Variants in GNAL observed in about 807,000 individuals in gnomAD.
The protein encoded by GNAL is G protein subunit alpha L.
Under a neutral mutation model 55.1 loss-of-function variants are expected in GNAL, and 18 were observed. That is an observed-to-expected ratio of 0.33 (90% CI 0.23 to 0.48). GNAL has a LOEUF of 0.48. Ranked by LOEUF, GNAL falls within the 20% of genes least tolerant of loss-of-function variation. The probability of loss-of-function intolerance (pLI) is 0.99; values close to 1 mark genes in which losing one functional copy is unlikely to be tolerated. For missense variants in GNAL, 412 were observed against 614.1 expected, an observed-to-expected ratio of 0.67 and a Z score of 3.48; for synonymous variants, 253 against 237.0, an observed-to-expected ratio of 1.07 and a Z score of -0.62.
At chr18:11,782,502 G>A (rs1419943601) in intron 4 of GNAL, among the ~76,000 whole-genome samples, 1 of 152,108 alleles carries the variant, frequency 6.6e-6, no homozygotes, top group Non-Finnish European at 1.5e-5. Context: ...GCATGTATTT[G>A]TGATAAAAAT....
intron 4 of GNAL, among the ~76,000 whole-genome samples, chr18:11,820,476 T>C (rs2035064151): frequency 6.6e-6 from 1 of 152,224 alleles, no homozygotes; most frequent in African/African-American, 2.4e-5. Context: ...AGTCTTTATG[T>C]TTTAGAAATA....
intron 4 of GNAL, among the ~76,000 whole-genome samples, chr18:11,813,827 G>A (rs1409384301): frequency 6.6e-6 from 1 of 152,108 alleles, no homozygotes; most frequent in Non-Finnish European, 1.5e-5. Context: ...GCAGTGAGCT[G>A]TGATTGCACC....
At chr18:11,820,840 G>A (rs2035072010) in intron 4 of GNAL, among the ~76,000 whole-genome samples, 1 of 152,210 alleles carries the variant, frequency 6.6e-6, no homozygotes, top group Non-Finnish European at 1.5e-5. Context: ...TCGCTTTTGT[G>A]TTTCTTCAGT....
intron 5 of GNAL, among the ~76,000 whole-genome samples, chr18:11,844,579 C>A (rs1162385220): frequency 6.6e-6 from 1 of 152,164 alleles, no homozygotes; most frequent in Non-Finnish European, 1.5e-5. Context: ...GGGTCTAAGG[C>A]AGATCAATCA....
intron 1 of GNAL, among the ~76,000 whole-genome samples, chr18:11,725,176 G>T (rs566036223): frequency 9.2e-5 from 14 of 152,172 alleles, no homozygotes; most frequent in Non-Finnish European, 1.8e-4. Flanking sequence ...GTCCTAACCC[G>T]CAGCCTCTCA....
intron 4 of GNAL, among the ~76,000 whole-genome samples, chr18:11,783,405 C>T (rs1238083168): frequency 6.6e-6 from 1 of 152,194 alleles, no homozygotes; most frequent in Admixed American, 6.5e-5. Context: ...AAAGTTTCAA[C>T]ATCATAAATA....
intron 5 of GNAL, among the ~76,000 whole-genome samples, chr18:11,847,784 A>G (rs16976739): frequency 2.6e-5 from 4 of 152,086 alleles, no homozygotes; most frequent in Non-Finnish European, 5.9e-5. Context: ...TACAATTAGC[A>G]TGGTTGTAGG....
At chr18:11,794,715 C>T (rs1161807155) in intron 4 of GNAL, among the ~76,000 whole-genome samples, 1 of 120,780 alleles carries the variant, frequency 8.3e-6, no homozygotes, top group Admixed American at 1.0e-4. Context: ...TAAATGGTTA[C>T]TTTTATGTTA....
chr18:11,864,702 C>A, intron 7 of GNAL, 96 bp downstream of exon 7: 1 of 770,534 alleles, frequency 1.3e-6, no homozygotes, highest in Non-Finnish European at 2.4e-6. Flanking sequence ...CCTGAATGTG[C>A]ATGGCAGCCC....
intron 4 of GNAL, among the ~76,000 whole-genome samples, chr18:11,789,329 A>G (rs1245393978): frequency 3.3e-5 from 5 of 152,236 alleles, no homozygotes. Flanking sequence ...TGGGTAAGCA[A>G]TAAGTGATAC....
chr18:11,697,386 A>AAATTAGCTGGTTACCAGCTAACTTTT (rs1231992861), intron 1 of GNAL, among the ~76,000 whole-genome samples: 7 of 152,124 alleles, frequency 4.6e-5, no homozygotes, highest in East Asian at 1.9e-4. Flanking sequence ...AAAAATACAA[A>AAATTAGCTGGTTACCAGCTAACTTTT]AATTAGCTGG....
At chr18:11,710,999 C>T (rs749642601) in intron 1 of GNAL, among the ~76,000 whole-genome samples, 7 of 152,148 alleles carry the variant, frequency 4.6e-5, no homozygotes, top group Non-Finnish European at 1.0e-4. Flanking sequence ...CCTCAGCCTC[C>T]CGAGTAGCTG....
chr18:11,718,120 TA>T (rs1005877215), intron 1 of GNAL, among the ~76,000 whole-genome samples: 71 of 151,354 alleles, frequency 4.7e-4, no homozygotes, highest in Non-Finnish European at 7.7e-4. Flanking sequence ...CCTAGCAGTT[TA>T]AAAAAAAAGT....
intron 4 of GNAL, among the ~76,000 whole-genome samples, chr18:11,772,771 C>T (rs932388885): frequency 3.9e-5 from 6 of 152,112 alleles, no homozygotes; most frequent in Admixed American, 1.3e-4. Context: ...ATTTATACAG[C>T]GGAGTTTCAT....
At position 11,751,584 on chromosome 18, in the gene GNAL, G is replaced by C; in HGVS notation, c.377-1269G>C. ...CGAGTCTTCGCCCGCCAGGAGCAGG[G>C]ACGCGTCCGAGCCAACACGGGGCGC... On this transcript the variant is annotated intron_variant, in intron 1 of 11. Coordinates refer to ENST00000334049, the MANE Select transcript of GNAL (RefSeq NM_182978.4). This position sits in a 1 kb window ranked among gnomAD's most constrained non-coding sequence, Gnocchi z 4.5. 2.0e-6 allele frequency: 2 copies of C among 985,482 alleles called. No homozygotes were observed. Among genetic ancestry groups the C allele is most frequent in the South Asian group, 9.4e-5 (2 of 21,288 alleles). The allele number at this position is 985,482 out of a possible 1,614,324, so 61.0% of individuals were successfully genotyped here. A position where few individuals can be genotyped will look rare whatever the true frequency, so the allele number is the denominator to read the frequency against.
intron 5 of GNAL, among the ~76,000 whole-genome samples, chr18:11,834,711 C>G (rs1424349988): frequency 6.6e-6 from 1 of 152,210 alleles, no homozygotes; most frequent in East Asian, 1.9e-4. Flanking sequence ...GAGTGAGACT[C>G]TGTCTCAAAA....
At position 11,882,600 on chromosome 18, in the gene GNAL, C is replaced by A. The variant is rs2036726093; in HGVS notation, c.*1465C>A. On this transcript the variant is annotated 3_prime_UTR_variant, in exon 12 of 12. Transcript: ENST00000334049. ...ACTCGAGAGGCTGAGGCAGGAGAAT[C>A]TCTTGAACCTGGGAGGTGGAGATTG... 6.8e-6 allele frequency: 1 copy of A among 147,670 alleles called. No individual in the cohort carries two copies. The highest frequency in any genetic ancestry group is 2.5e-5 in the African/African-American group (1 of 39,786). The allele number at this position is 147,670 out of a possible 1,614,324, so 9.1% of individuals were successfully genotyped here.
chr18:11,767,276 G>A (rs2033436719), intron 4 of GNAL, among the ~76,000 whole-genome samples: 1 of 144,940 alleles, frequency 6.9e-6, no homozygotes, highest in South Asian at 2.3e-4. Flanking sequence ...TTGCACTCTA[G>A]GCACCCTTAT....
intron 1 of GNAL, among the ~76,000 whole-genome samples, chr18:11,716,663 T>C (rs975680713): frequency 2.0e-5 from 3 of 152,134 alleles, no homozygotes; most frequent in Middle Eastern, 3.4e-3. Context: ...TAGCTAGATA[T>C]AGAGTGTCCA....
Sources: gnomAD v4.1 joint callset for allele counts (sites outside exome capture counted in the v4.1 genomes callset) on GRCh38, gnomAD v4.1.1 for gene constraint, Gnocchi (gnomAD v3.1) non-coding constraint, MANE v1.5 for transcripts, NCBI Gene and HGNC (gene_info 2026-07-23, HGNC 2026-07-21) for gene names.